The following LRRC49 variants were observed in gnomAD, a reference collection of about 807,000 sequenced individuals.
The protein encoded by LRRC49 is leucine-rich repeat-containing protein 49.
In LRRC49, 50 loss-of-function variants were observed where a neutral mutation model predicts 83.3. That is an observed-to-expected ratio of 0.60 (90% CI 0.48 to 0.76). The LOEUF (loss-of-function observed/expected upper bound fraction) is 0.76, where lower values mean the gene tolerates loss of function less well. LRRC49 is among the 30% of genes least tolerant of loss of function. The pLI is 0.00. For synonymous variants in LRRC49, 286 were observed against 283.3 expected, an observed-to-expected ratio of 1.01 and a Z score of -0.10; for missense variants, 704 against 809.1, an observed-to-expected ratio of 0.87 and a Z score of 1.58.
intron 1 of LRRC49, chr15:70,853,855 G>C: frequency 8.1e-7 from 1 of 1,227,156 alleles, no homozygotes; most frequent in Non-Finnish European, 1.0e-6. Context: ...GCGCCCCCTC[G>C]GGGCCCACCT....
intron 1 of LRRC49, among the ~76,000 whole-genome samples, chr15:70,870,945 G>GT (rs71281973): frequency 0.55 from 48,346 of 87,664 alleles, 9,395 homozygotes; most frequent in East Asian, 0.64. Flanking sequence ...GCCATGCTTA[G>GT]TTTTTTTTTT....
intron 11 of LRRC49, among the ~76,000 whole-genome samples, chr15:71,005,708 C>G (rs2038432914): frequency 6.6e-6 from 1 of 152,056 alleles, no homozygotes; most frequent in Non-Finnish European, 1.5e-5. Context: ...TGGCATGTGC[C>G]AGAATTCTTA....
intron 3 of LRRC49, chr15:70,898,250 A>G (rs992791715): frequency 1.5e-5 from 9 of 594,144 alleles, no homozygotes; most frequent in African/African-American, 1.5e-4. Flanking sequence ...TAACACTTTG[A>G]GATGCTATTT....
chr15:70,978,709 A>G (rs1169923641), intron 9 of LRRC49, among the ~76,000 whole-genome samples: 1 of 152,192 alleles, frequency 6.6e-6, no homozygotes, highest in African/African-American at 2.4e-5. Context: ...CTGAACAGAC[A>G]TGGTTCATAC....
intron 6 of LRRC49, 66 bp from the exon 7 acceptor site, chr15:70,918,984 G>T: frequency 7.8e-7 from 1 of 1,289,232 alleles, no homozygotes; most frequent in Non-Finnish European, 1.1e-6. Context: ...TATTTTTAGG[G>T]TTTTTAGAAC....
Position 70,992,286 on chromosome 15 carries a change from G to A in LRRC49, c.1169+8029G>A, listed in dbSNP as rs181564950. 5.6e-4 allele frequency among the ~76,000 whole-genome samples: 86 copies of A among 152,322 alleles called. No individual in the cohort carries two copies. In the East Asian group the frequency reaches 7.1e-3, roughly 13 times the overall value. ...TCCATTAGCTCGGAGAAGTTTGATCGTCTGAAGCCTTCTTCTCTCAACTCG... is the reference window on the plus strand; with the variant it reads ...TCCATTAGCTCGGAGAAGTTTGATCATCTGAAGCCTTCTTCTCTCAACTCG... On this transcript the variant is annotated intron_variant, in intron 11 of 15. Transcript: ENST00000260382.
chr15:71,041,443 T>C (rs1255240626), intron 15 of LRRC49, among the ~76,000 whole-genome samples: 1 of 152,090 alleles, frequency 6.6e-6, no homozygotes, highest in African/African-American at 2.4e-5. Flanking sequence ...AATTCAGTAA[T>C]ATAGCAGAAG....
At chr15:70,865,367 A>ACT (rs34804293) in intron 1 of LRRC49, among the ~76,000 whole-genome samples, 82,974 of 151,892 alleles carry the variant, frequency 0.55, 23,416 homozygotes, top group Admixed American at 0.69. Context: ...TCTAAAGAGA[A>ACT]AGACATTCAC....
chr15:70,855,643 G>A (rs754397823), intron 1 of LRRC49, among the ~76,000 whole-genome samples: 6 of 152,220 alleles, frequency 3.9e-5, no homozygotes, highest in Non-Finnish European at 8.8e-5. Flanking sequence ...GGGGCCCAGC[G>A]AGGACAGCCC....
At chr15:70,854,199 G>A (rs1291966139) in intron 1 of LRRC49, 2 of 766,086 alleles carry the variant, frequency 2.6e-6, no homozygotes, top group African/African-American at 1.9e-5. Context: ...CCTGCCGCTC[G>A]GCCCAGGGGA....
chr15:70,949,569 G>A (rs946671022), intron 8 of LRRC49, among the ~76,000 whole-genome samples: 3 of 151,920 alleles, frequency 2.0e-5, no homozygotes, highest in Non-Finnish European at 2.9e-5. Context: ...GAACCCACTC[G>A]ACCCCTCCCG....
intron 8 of LRRC49, among the ~76,000 whole-genome samples, chr15:70,939,379 T>G (rs1207441999): frequency 6.6e-6 from 1 of 152,180 alleles, no homozygotes; most frequent in South Asian, 2.1e-4. Context: ...ATCTAAGAAC[T>G]CTTTTTGGTG....
intron 8 of LRRC49, among the ~76,000 whole-genome samples, chr15:70,945,467 G>A (rs2035973053): frequency 6.6e-6 from 1 of 150,926 alleles, no homozygotes; most frequent in Non-Finnish European, 1.5e-5. Flanking sequence ...GGTACTTAAA[G>A]AATATGGAAT....
intron 5 of LRRC49, among the ~76,000 whole-genome samples, chr15:70,911,189 AG>A (rs1357885879): frequency 3.9e-5 from 6 of 152,194 alleles, no homozygotes; most frequent in African/African-American, 1.4e-4. Context: ...GCTGGCTGAA[AG>A]GTCAGCAGCC....
intron 11 of LRRC49, among the ~76,000 whole-genome samples, chr15:70,993,202 TG>T (rs568947567): frequency 1.1e-3 from 160 of 152,328 alleles, no homozygotes; most frequent in African/African-American, 3.7e-3. Flanking sequence ...TATAATCTCC[TG>T]GTGTGCCATT....
At chr15:70,928,563 T>TTTTA (rs569287272) in intron 7 of LRRC49, among the ~76,000 whole-genome samples, 422 of 151,946 alleles carry the variant, frequency 2.8e-3, no homozygotes, top group African/African-American at 6.6e-3. Context: ...TTTAATTTTC[T>TTTTA]TTTATTTATT....
chr15:70,983,430 C>G (rs974810319), intron 10 of LRRC49, among the ~76,000 whole-genome samples: 1 of 152,012 alleles, frequency 6.6e-6, no homozygotes, highest in Non-Finnish European at 1.5e-5. Flanking sequence ...TTTGAGGTAC[C>G]CTGAAATTTG....
At chr15:70,919,013 T>C in intron 6 of LRRC49, 37 bp from the exon 7 acceptor site, 4 of 1,562,570 alleles carry the variant, frequency 2.6e-6, no homozygotes, top group Non-Finnish European at 3.5e-6. Flanking sequence ...TTCAGGTTTT[T>C]GCCTGCTAAT....
At chr15:71,043,339 T>C (rs1189422021) in intron 15 of LRRC49, among the ~76,000 whole-genome samples, 5 of 152,230 alleles carry the variant, frequency 3.3e-5, no homozygotes, top group African/African-American at 4.8e-5. Context: ...AAATTCTAGT[T>C]TAATGAAATA....
Sources: allele counts gnomAD v4.1 joint callset (sites outside exome capture counted in the v4.1 genomes callset), GRCh38; gene constraint gnomAD v4.1.1; transcripts MANE v1.5; gene names NCBI Gene and HGNC (gene_info 2026-07-23, HGNC 2026-07-21).